Variants in JAK3 observed in about 807,000 individuals in gnomAD.
JAK3 encodes tyrosine-protein kinase JAK3.
JAK3 carries 88 observed loss-of-function variants against 120.8 expected under a neutral mutation model. The observed-to-expected ratio is 0.73, with a 90% confidence interval of 0.61 to 0.87. The LOEUF (loss-of-function observed/expected upper bound fraction) is 0.87, where lower values mean the gene tolerates loss of function less well. Ranked by LOEUF, JAK3 falls within the 40% of genes least tolerant of loss-of-function variation. The pLI is 0.00. For synonymous variants in JAK3, 592 were observed against 628.6 expected (o/e 0.94, Z 0.87); for missense variants, 1,254 against 1,501.4 (o/e 0.84, Z 2.72).
Position 17,843,650 on chromosome 19 carries a change from C to T in JAK3, c.308+127G>A. 2.9e-6 allele frequency: 4 copies of T among 1,360,926 alleles called. No individual in the cohort carries two copies. Among genetic ancestry groups the T allele is most frequent in the African/African-American group, 2.9e-5 (2 of 70,134 alleles). The allele number at this position is 1,360,926 out of a possible 1,614,324, so 84.3% of individuals were successfully genotyped here. The stretch of plus-strand genomic sequence containing the variant: ...ACCTTGGGCAAGTGACCCACCCTCT[C>T]TGGTCTGTTTCCTCATCTGAGAAAT... On this transcript the variant is annotated intron_variant, in intron 3 of 23. Transcript: ENST00000458235. The surrounding 1 kb of genome is among the most constrained non-coding windows in gnomAD (Gnocchi z 5.4).
rs201997916 is a variant in JAK3, at chr19:17,841,511, C to T, written c.1020G>A (p.Ser340=). 148 of 1,580,010 alleles carry T rather than the reference C, an allele frequency of 9.4e-5. 3 individuals carry two copies. The South Asian group carries it at 1.6e-3, about 17-fold the overall frequency. ...AGTAGCCGTCCACGAGCGCCACGAA[C>T]GACAGAGCCTCGGGCAGCCCTGGGA... ...AEFPGLPEAL[S]FVALVDGYFR... Residue 340 remains serine (S), a synonymous_variant, in exon 8 of 24, where the codon TCG becomes TCA. Coordinates refer to ENST00000458235, the MANE Select transcript of JAK3 (RefSeq NM_000215.4). The surrounding 1 kb of genome is among the most constrained non-coding windows in gnomAD (Gnocchi z 4.1).
At chr19:17,846,972 A>C (rs544246062) in intron 1 of JAK3, among the ~76,000 whole-genome samples, 20 of 152,004 alleles carry the variant, frequency 1.3e-4, no homozygotes, top group Non-Finnish European at 2.6e-4. Flanking sequence ...ATCTCGGCTC[A>C]CTGCAAACTC....
chr19:17,837,949 G>A lies in JAK3; in HGVS notation c.1684C>T (p.His562Tyr), dbSNP rs1320062456. The A allele has an allele frequency of 1.2e-6, 2 of 1,614,094 alleles. No individual in the cohort carries two copies. The highest frequency in any genetic ancestry group is 1.7e-5 in the Admixed American group (1 of 59,998). Residue 562 changes from histidine (H) to tyrosine (Y), a missense_variant, in exon 12 of 24, where the codon CAC (histidine) becomes TAC (tyrosine). Around this residue, in one of 3 missense-constraint regions of JAK3, gnomAD observed 630 missense variants for 819.8 expected, o/e 0.77. Transcript: ENST00000458235. ...GCTCTCACCTCCATGCAGTTCTTGT[G>A]CTTGGCATCCATGACCTTCAGCAGC... is the stretch of plus-strand genomic sequence containing the variant. The part of the protein sequence containing the change: ...EVLLKVMDAK[H>Y]KNCMESFLEA...
At chr19:17,828,270 TTTTGA>T (rs982815946) in intron 23 of JAK3, among the ~76,000 whole-genome samples, 1 of 136,992 alleles carries the variant, frequency 7.3e-6, no homozygotes, top group Non-Finnish European at 1.6e-5. Flanking sequence ...TTTTGTTTTG[TTTTGA>T]GACAGGGTGT....
chr19:17,834,767 AC>A, intron 16 of JAK3, 46 bp from the exon 17 acceptor site: 1 of 1,613,656 alleles, frequency 6.2e-7, no homozygotes, highest in Admixed American at 1.7e-5. Context: ...CAATAGACCC[AC>A]CCCAATCTCC....
At chr19:17,847,687 C>T (rs1274683773) in intron 1 of JAK3, among the ~76,000 whole-genome samples, 1 of 151,944 alleles carries the variant, frequency 6.6e-6, no homozygotes, top group Admixed American at 6.6e-5. Flanking sequence ...AACCCCGCAG[C>T]CCCCGTCGCG....
intron 23 of JAK3, among the ~76,000 whole-genome samples, chr19:17,828,609 G>C (rs2094208412): frequency 6.6e-6 from 1 of 151,782 alleles, no homozygotes; most frequent in African/African-American, 2.4e-5. Flanking sequence ...GGCTGGTCTT[G>C]AACTCCTGGG....
rs1212074696 is a variant in JAK3 at position 17,832,685 on chromosome 19, C to G, written c.2514G>C (p.Leu838=). ...TGTCGCCTAGCGGGTCATAGCGGCA[C>G]AGCTCCACGCTGCCAAAGTTGCCCT... ...LGKGNFGSVE[L]CRYDPLGDNT... Residue 838 remains leucine, a synonymous_variant, in exon 19 of 24, where the codon CTG becomes CTC. Coordinates refer to ENST00000458235, the MANE Select transcript of JAK3 (RefSeq NM_000215.4). This position sits in a 1 kb window ranked among gnomAD's most constrained non-coding sequence, Gnocchi z 4.7. The G allele has an allele frequency of 6.2e-7, 1 of 1,614,136 alleles. No homozygotes were observed. Among genetic ancestry groups the G allele is most frequent in the East Asian group, 2.2e-5 (1 of 44,902 alleles).
At position 17,843,995 on chromosome 19, in the gene JAK3, T is replaced by C. The variant is rs2094246111; in HGVS notation, c.185-95A>G. ...ATACCCAACCGTCCAGATCCTTCCA[T>C]ACCTCAAGGTATGACCAGCTGTTCC... On this transcript the variant is annotated intron_variant, in intron 2 of 23. Coordinates refer to ENST00000458235, the MANE Select transcript of JAK3 (RefSeq NM_000215.4). This position sits in a 1 kb window ranked among gnomAD's most constrained non-coding sequence, Gnocchi z 5.4. 6.8e-7 allele frequency: 1 copy of C among 1,473,328 alleles called. No individual in the cohort carries two copies. The highest frequency in any genetic ancestry group is 2.4e-5 in the East Asian group (1 of 41,720). 91.3% of individuals were successfully genotyped at this position (1,473,328 alleles called of 1,614,324 possible).
Position 17,826,927 on chromosome 19 carries a change from A to G in JAK3, c.3208-17T>C. ...CTCGTGAACCTGAGGGGCGGGGGAC[A>G]GATAATGGGGTCGTGCCTGAGCAGT... On this transcript the variant is annotated splice_polypyrimidine_tract_variant and intron_variant, in intron 23 of 23. Coordinates refer to ENST00000458235, the MANE Select transcript of JAK3 (RefSeq NM_000215.4). The G allele has an allele frequency of 3.1e-6, 5 of 1,604,626 alleles. No homozygotes were observed. The highest frequency in any genetic ancestry group is 4.2e-6 in the Non-Finnish European group (5 of 1,178,818).
intron 2 of JAK3, 82 bp downstream of exon 2, chr19:17,844,152 C>T (rs2094246441): frequency 5.0e-6 from 7 of 1,412,914 alleles, no homozygotes; most frequent in Admixed American, 2.0e-5. Context: ...CTGACTTCTG[C>T]AGGCAACTAT....
intron 13 of JAK3, chr19:17,836,873 AC>A (rs1222605511): frequency 4.0e-5 from 24 of 602,178 alleles, no homozygotes; most frequent in Middle Eastern, 4.4e-4. Flanking sequence ...CGTGACCTGT[AC>A]AAAGCTGCAG....
rs752415312 is a variant in JAK3, at chr19:17,841,773, G to A, written c.862-11C>T. 6.2e-7 allele frequency: 1 copy of A among 1,602,338 alleles called. No homozygotes were observed. Among genetic ancestry groups the A allele is most frequent in the Admixed American group, 1.7e-5 (1 of 59,990 alleles). ...GAAGGGCTGGAGGACCTGGGAAGGA[G>A]GGGGAGTACCGAAGTGGGGGCCCAG... On this transcript the variant is annotated splice_polypyrimidine_tract_variant and intron_variant, in intron 6 of 23. Coordinates refer to ENST00000458235, the MANE Select transcript of JAK3 (RefSeq NM_000215.4). The surrounding 1 kb of genome is among the most constrained non-coding windows in gnomAD (Gnocchi z 4.1).
rs1484293274 is a variant in JAK3, at chr19:17,841,704, GGGGCCT to G, written c.914_919del (p.Gln305_Ala306del). The G allele has an allele frequency of 1.2e-6, 2 of 1,613,342 alleles. No individual in the cohort carries two copies. Among genetic ancestry groups the G allele is most frequent in the Non-Finnish European group, 1.7e-6 (2 of 1,179,988 alleles). On this transcript the variant is annotated inframe_deletion, in exon 7 of 24. Transcript: ENST00000458235. The surrounding 1 kb of genome is among the most constrained non-coding windows in gnomAD (Gnocchi z 4.1). ...GTGCTCTCCGGCCGGGCCAACGCGC[GGGGCCT>G]GCTTGATGCTAATGTCTACGATTTC...
rs1224613270 is a variant in JAK3 at position 17,825,997 on chromosome 19, A to T, written c.*746T>A. 6.6e-6 allele frequency: 1 copy of T among 150,884 alleles called. No individual in the cohort carries two copies. The highest frequency in any genetic ancestry group is 1.5e-5 in the Non-Finnish European group (1 of 67,812). 9.3% of individuals were successfully genotyped at this position (150,884 alleles called of 1,614,324 possible). ...GCTGTAGTCCCAGCTATTTAGGAGG[A>T]TAAGGCAGGAGGATCACTGTAGCCC... On this transcript the variant is annotated 3_prime_UTR_variant, in exon 24 of 24. Coordinates refer to ENST00000458235, the MANE Select transcript of JAK3 (RefSeq NM_000215.4).
At chr19:17,847,703 G>A (rs1264200451) in intron 1 of JAK3, among the ~76,000 whole-genome samples, 1 of 146,780 alleles carries the variant, frequency 6.8e-6, no homozygotes, top group Non-Finnish European at 1.5e-5. Flanking sequence ...TCGCGCATGC[G>A]CAATGACTCC....
Position 17,838,131 on chromosome 19 carries a change from A to T in JAK3, c.1570-68T>A. ...CCTGCAGGATCCCAGCCCAAGCGAG[A>T]CATAGCTGCTGGCCCCATTTTACAG... On this transcript the variant is annotated intron_variant, in intron 11 of 23. Coordinates refer to ENST00000458235, the MANE Select transcript of JAK3 (RefSeq NM_000215.4). 3 of 1,613,152 alleles carry T rather than the reference A, an allele frequency of 1.9e-6. No individual in the cohort carries two copies. In the Middle Eastern group the frequency reaches 5.0e-4, roughly 267 times the overall value.
At chr19:17,830,961 G>C in intron 21 of JAK3, among the ~76,000 whole-genome samples, 1 of 148,228 alleles carries the variant, frequency 6.7e-6, no homozygotes, top group Non-Finnish European at 1.5e-5. Flanking sequence ...GTGTTGGAGG[G>C]GTGGGGTTCT....
rs2147689199 is a variant in JAK3 at position 17,838,402 on chromosome 19, G to A, written c.1442-12C>T. 2 of 1,614,158 alleles carry A rather than the reference G, an allele frequency of 1.2e-6. No homozygotes were observed. The highest frequency in any genetic ancestry group is 1.7e-6 in the Non-Finnish European group (2 of 1,180,020). ...CAGGTTGGACTTTTCTATGGGGAGAGGATGAGGGAGAAAAACCAGAAATCA... is the reference window on the plus strand; with the variant it reads ...CAGGTTGGACTTTTCTATGGGGAGAAGATGAGGGAGAAAAACCAGAAATCA... On this transcript the variant is annotated splice_polypyrimidine_tract_variant and intron_variant, in intron 10 of 23. Coordinates refer to ENST00000458235, the MANE Select transcript of JAK3 (RefSeq NM_000215.4).
Sources: gnomAD v4.1 joint callset for allele counts (sites outside exome capture counted in the v4.1 genomes callset) on GRCh38, gnomAD v4.1.1 for gene constraint, gnomAD v4.1.1 regional missense constraint, Gnocchi (gnomAD v3.1) non-coding constraint, MANE v1.5 for transcripts, NCBI Gene and HGNC (gene_info 2026-07-23, HGNC 2026-07-21) for gene names.